Variants in MID1 observed in about 807,000 individuals in gnomAD.
MID1 encodes the protein midline 1.
In MID1, 7 loss-of-function variants were observed where a neutral mutation model predicts 40.4. That is an observed-to-expected ratio of 0.17 (90% confidence interval 0.10 to 0.33). The LOEUF (loss-of-function observed/expected upper bound fraction) is 0.33, where lower values mean the gene tolerates loss of function less well. MID1 is among the 10% of genes least tolerant of loss of function. MID1 has a pLI of 1.00. For missense variants in MID1, 367 were observed against 558.5 expected, an observed-to-expected ratio of 0.66 and a Z score of 3.46; for synonymous variants, 229 against 221.2, an observed-to-expected ratio of 1.04 and a Z score of -0.31.
intron 1 of MID1, among the ~76,000 whole-genome samples, chrX:10,778,002 C>T (rs2043818267): frequency 9.0e-6 from 1 of 111,262 alleles, no homozygotes; most frequent in African/African-American, 3.3e-5. Flanking sequence ...GAAATACCTC[C>T]TGAAGGACCT....
chrX:10,634,328 G>A (rs1334352410), intron 1 of MID1, among the ~76,000 whole-genome samples: 3 of 111,565 alleles, frequency 2.7e-5, no homozygotes, highest in Non-Finnish European at 3.8e-5. Flanking sequence ...TTGGTAATAA[G>A]AAAGATATGA....
intron 1 of MID1, among the ~76,000 whole-genome samples, chrX:10,794,002 C>T (rs1329288629): frequency 9.0e-6 from 1 of 111,688 alleles, no homozygotes; most frequent in East Asian, 2.8e-4. Context: ...CCTTCCCTGC[C>T]ACTTCTCTGT....
chrX:10,530,655 T>C (rs1298704358), intron 2 of MID1, among the ~76,000 whole-genome samples: 1 of 112,563 alleles, frequency 8.9e-6, no homozygotes, highest in Non-Finnish European at 1.9e-5. Flanking sequence ...GAGCTGATAA[T>C]TGAACAATTC....
chrX:10,757,037 C>T (rs2043636805), intron 1 of MID1, among the ~76,000 whole-genome samples: 1 of 112,104 alleles, frequency 8.9e-6, no homozygotes, highest in South Asian at 3.8e-4. Context: ...TTGCTCCCTG[C>T]ATGCACCCAG....
chrX:10,470,755 C>T (rs998655462), intron 6 of MID1, among the ~76,000 whole-genome samples: 6 of 111,880 alleles, frequency 5.4e-5, no homozygotes, highest in African/African-American at 1.6e-4. Context: ...AAGTCTAAGT[C>T]CTACCAAAAT....
At chrX:10,716,009 A>G (rs1200466377) in intron 1 of MID1, among the ~76,000 whole-genome samples, 1 of 112,075 alleles carries the variant, frequency 8.9e-6, no homozygotes, top group Non-Finnish European at 1.9e-5. Context: ...GAAAACTAAC[A>G]AACAGAAAGG....
chrX:10,765,136 A>C (rs1225510036), intron 1 of MID1, among the ~76,000 whole-genome samples: 2 of 111,888 alleles, frequency 1.8e-5, no homozygotes, highest in East Asian at 5.6e-4. Flanking sequence ...CCAGCTGCCC[A>C]GACATGCTAA....
At chrX:10,688,005 C>G (rs956757008) in intron 1 of MID1, among the ~76,000 whole-genome samples, 5 of 111,525 alleles carry the variant, frequency 4.5e-5, no homozygotes, top group African/African-American at 6.5e-5. Flanking sequence ...AGGCATGAGC[C>G]ACTGCTCCCA....
chrX:10,681,073 T>C (rs770927147), intron 1 of MID1, among the ~76,000 whole-genome samples: 1 of 105,281 alleles, frequency 9.5e-6, no homozygotes, highest in Non-Finnish European at 1.9e-5. Context: ...ATAATAATAA[T>C]AATGCTACAC....
At chrX:10,489,696 G>GTTT (rs778434207) in intron 4 of MID1, among the ~76,000 whole-genome samples, 3,836 of 95,424 alleles carry the variant, frequency 0.04, 270 homozygotes, top group African/African-American at 0.14. Context: ...TATTTTCAAA[G>GTTT]TTTTTTTTTT....
At chrX:10,754,305 TTTTGTTTTTTGTTTTTTG>T (rs2043617409) in intron 1 of MID1, among the ~76,000 whole-genome samples, 1 of 104,473 alleles carries the variant, frequency 9.6e-6, no homozygotes, top group African/African-American at 4.1e-5. Context: ...GAGAGTTTTT[TTTTGTTTTTTGTTTTTTG>T]TTTTTTTTGT....
At chrX:10,481,391 G>T (rs1199723317) in intron 5 of MID1, among the ~76,000 whole-genome samples, 1 of 112,057 alleles carries the variant, frequency 8.9e-6, no homozygotes, top group African/African-American at 3.2e-5. Flanking sequence ...TGTCATTTAT[G>T]TGGCATTGGC....
At chrX:10,739,350 C>T (rs761792499) in intron 1 of MID1, among the ~76,000 whole-genome samples, 6 of 111,733 alleles carry the variant, frequency 5.4e-5, no homozygotes, top group Non-Finnish European at 1.1e-4. Context: ...GAAGTGAGAA[C>T]AAATTATCTC....
intron 2 of MID1, among the ~76,000 whole-genome samples, chrX:10,551,076 C>A (rs1340705412): frequency 1.8e-5 from 2 of 111,753 alleles, no homozygotes; most frequent in Non-Finnish European, 3.8e-5. Context: ...TTGCATATAA[C>A]CTATGTATAT....
intron 1 of MID1, among the ~76,000 whole-genome samples, chrX:10,830,015 T>C (rs1339625361): frequency 8.9e-6 from 1 of 112,272 alleles, no homozygotes; most frequent in African/African-American, 3.2e-5. Flanking sequence ...GAAAATTACA[T>C]TAACAAAATA....
At chrX:10,453,542 C>T (rs980187236) in intron 9 of MID1, among the ~76,000 whole-genome samples, 1 of 111,725 alleles carries the variant, frequency 9.0e-6, no homozygotes, top group Non-Finnish European at 1.9e-5. Flanking sequence ...TAGCAGCATA[C>T]CATGGTGGTT....
intron 2 of MID1, among the ~76,000 whole-genome samples, chrX:10,563,842 G>C (rs750954962): frequency 8.9e-6 from 1 of 111,855 alleles, no homozygotes; most frequent in East Asian, 2.8e-4. Flanking sequence ...TTTACACTTA[G>C]AAAAAGATTG....
chrX:10,752,101 A>G (rs2043602997), intron 1 of MID1, among the ~76,000 whole-genome samples: 2 of 111,475 alleles, frequency 1.8e-5, no homozygotes, highest in African/African-American at 3.3e-5. Flanking sequence ...TACAGCCTGC[A>G]GAACTGTGAG....
chrX:10,732,925 G>A (rs983056757), intron 1 of MID1, among the ~76,000 whole-genome samples: 3 of 101,825 alleles, frequency 2.9e-5, no homozygotes, highest in African/African-American at 7.3e-5. Context: ...GTTCAGTGGC[G>A]CGATCTCCGC....
Sources: gnomAD v4.1 joint callset for allele counts (sites outside exome capture counted in the v4.1 genomes callset) on GRCh38, gnomAD v4.1.1 for gene constraint, MANE v1.5 for transcripts, NCBI Gene and HGNC (gene_info 2026-07-23, HGNC 2026-07-21) for gene names.